Variants in CSMD1 observed in about 807,000 individuals in gnomAD.
The protein encoded by CSMD1 is CUB and Sushi multiple domains 1.
In CSMD1, 213 loss-of-function variants were observed where a neutral mutation model predicts 417.5. The observed-to-expected ratio is 0.51, with a 90% CI of 0.46 to 0.57. CSMD1 has a LOEUF of 0.57. CSMD1 is among the 20% of genes least tolerant of loss of function. The pLI, the probability that CSMD1 is intolerant of heterozygous loss-of-function variation, is 0.00. For missense variants in CSMD1, 6,923 were observed against 4,529.7 expected (o/e 1.53, Z -15.17); for synonymous variants, 2,862 against 1,736.8 (o/e 1.65, Z -16.11).
chr8:4,010,261 C>A (rs1486926182), intron 4 of CSMD1, among the ~76,000 whole-genome samples: 1 of 152,072 alleles, frequency 6.6e-6, no homozygotes, highest in Non-Finnish European at 1.5e-5. Context: ...GTCTTCCCTC[C>A]CTCATGTGCC....
rs374490610 is a variant in CSMD1 at position 3,763,325 on chromosome 8, G to A, written c.819-9283C>T. On this transcript the variant is annotated intron_variant, in intron 5 of 69. Coordinates refer to ENST00000635120, the MANE Select transcript of CSMD1 (RefSeq NM_033225.6). ...TTGCCGGTATTGGAGGTGGGGCCCT[G>A]TGGGAGGTGTTGGTGTCATGGGGGC... Among the ~76,000 whole-genome samples, 26 of 152,268 alleles carry A rather than the reference G, an allele frequency of 1.7e-4. No homozygotes were observed. In the East Asian group the frequency reaches 4.4e-3, roughly 26 times the overall value.
At chr8:4,521,675 A>C (rs368049651) in intron 2 of CSMD1, among the ~76,000 whole-genome samples, 76 of 152,310 alleles carry the variant, frequency 5.0e-4, no homozygotes, top group African/African-American at 1.8e-3. Context: ...TGCGAAGAAA[A>C]GTTGCCTATT....
At chr8:3,835,800 C>G (rs1430526093) in intron 5 of CSMD1, among the ~76,000 whole-genome samples, 1 of 151,632 alleles carries the variant, frequency 6.6e-6, no homozygotes, top group African/African-American at 2.4e-5. Flanking sequence ...GTGTGAGTTC[C>G]TAAGAGTAAT....
chr8:3,032,809 G>C (rs530862912), intron 50 of CSMD1, among the ~76,000 whole-genome samples: 2 of 151,798 alleles, frequency 1.3e-5, no homozygotes, highest in Admixed American at 1.3e-4. Context: ...TAGTTTTGGC[G>C]CAAAATTTCA....
At chr8:3,743,327 C>T (rs537163386) in intron 6 of CSMD1, among the ~76,000 whole-genome samples, 114 of 152,292 alleles carry the variant, frequency 7.5e-4, no homozygotes, top group African/African-American at 2.6e-3. Context: ...CTGGAAGCAA[C>T]AAACAACTTG....
chr8:4,436,241 G>T (rs1190653187), intron 2 of CSMD1, among the ~76,000 whole-genome samples: 2 of 152,080 alleles, frequency 1.3e-5, no homozygotes, highest in Non-Finnish European at 2.9e-5. Flanking sequence ...GACAAAATTA[G>T]TTCATACTTA....
chr8:3,978,627 C>T (rs531374287), intron 5 of CSMD1, among the ~76,000 whole-genome samples: 127 of 152,196 alleles, frequency 8.3e-4, no homozygotes, highest in African/African-American at 3.0e-3. Flanking sequence ...GGAAACGTCT[C>T]GTCGCTGCTG....
intron 5 of CSMD1, among the ~76,000 whole-genome samples, chr8:3,951,951 T>C (rs1023446009): frequency 6.6e-5 from 10 of 152,144 alleles, no homozygotes; most frequent in African/African-American, 2.4e-4. Context: ...GAATACATAA[T>C]TATGAAAGTA....
chr8:4,833,809 A>C (rs569911003), intron 1 of CSMD1, among the ~76,000 whole-genome samples: 85 of 152,288 alleles, frequency 5.6e-4, no homozygotes, highest in African/African-American at 2.0e-3. Context: ...CAGCTGACTA[A>C]AAGGGAGACT....
chr8:4,749,683 C>G (rs548152323), intron 1 of CSMD1, among the ~76,000 whole-genome samples: 101 of 152,012 alleles, frequency 6.6e-4, no homozygotes, highest in Non-Finnish European at 1.3e-3. Context: ...ATAAATTTAC[C>G]AAGTTAGCAA....
intron 7 of CSMD1, among the ~76,000 whole-genome samples, chr8:3,646,659 G>C (rs1045995886): frequency 6.6e-6 from 1 of 152,154 alleles, no homozygotes; most frequent in African/African-American, 2.4e-5. Context: ...CGTGCTCAGA[G>C]GGCCAAGACT....
chr8:4,678,853 C>T (rs569980093), intron 1 of CSMD1, among the ~76,000 whole-genome samples: 1 of 152,268 alleles, frequency 6.6e-6, no homozygotes, highest in South Asian at 2.1e-4. Context: ...TCAGTCACTG[C>T]CCAGTAACTG....
At chr8:3,408,930 C>G (rs1162036276) in intron 13 of CSMD1, among the ~76,000 whole-genome samples, 2 of 152,274 alleles carry the variant, frequency 1.3e-5, no homozygotes, top group African/African-American at 2.4e-5. Context: ...AAAAAAACCT[C>G]TCCTTTAAAA....
At chr8:3,103,183 A>G (rs756206170) in intron 46 of CSMD1, among the ~76,000 whole-genome samples, 1 of 152,240 alleles carries the variant, frequency 6.6e-6, no homozygotes, top group African/African-American at 2.4e-5. Context: ...AAGGAGGTAC[A>G]TAAGCTCTAA....
At chr8:4,786,160 G>C (rs1316620682) in intron 1 of CSMD1, among the ~76,000 whole-genome samples, 3 of 152,162 alleles carry the variant, frequency 2.0e-5, no homozygotes, top group Non-Finnish European at 4.4e-5. Flanking sequence ...CCACTTATGA[G>C]CCCTGACAAC....
chr8:3,709,685 T>TGC (rs1563296567), intron 6 of CSMD1, among the ~76,000 whole-genome samples: 18 of 110,148 alleles, frequency 1.6e-4, no homozygotes, highest in East Asian at 4.8e-4. Context: ...AGCATGTTTT[T>TGC]TTTTTTTTTT....
intron 1 of CSMD1, among the ~76,000 whole-genome samples, chr8:4,771,590 A>G (rs1004159292): frequency 2.0e-5 from 3 of 152,208 alleles, no homozygotes; most frequent in Admixed American, 1.3e-4. Context: ...GGATGTTGAA[A>G]TATTGAGTAA....
chr8:4,152,790 A>C (rs187636074), intron 3 of CSMD1, among the ~76,000 whole-genome samples: 256 of 152,300 alleles, frequency 1.7e-3, no homozygotes, highest in Admixed American at 5.0e-3. Flanking sequence ...ATGCATTTTT[A>C]TGGGAATATA....
At chr8:4,324,961 A>C (rs1375844227) in intron 3 of CSMD1, among the ~76,000 whole-genome samples, 1 of 152,120 alleles carries the variant, frequency 6.6e-6, no homozygotes, top group East Asian at 1.9e-4. Flanking sequence ...TTTGGAAAGG[A>C]TATCATTATA....
Sources: gnomAD v4.1 joint callset for allele counts (sites outside exome capture counted in the v4.1 genomes callset) on GRCh38, gnomAD v4.1.1 for gene constraint, MANE v1.5 for transcripts, NCBI Gene and HGNC (gene_info 2026-07-23, HGNC 2026-07-21) for gene names.